The following PPM1G variants were observed in gnomAD, a reference collection of about 807,000 sequenced individuals.
PPM1G encodes protein phosphatase 1G.
Under a neutral mutation model 59.4 loss-of-function variants are expected in PPM1G, and 12 were observed. The ratio of observed to expected loss-of-function variants is 0.20; its 90% CI spans 0.13 to 0.33. The LOEUF is 0.33. Ranked by LOEUF, PPM1G falls within the 10% of genes least tolerant of loss-of-function variation. The pLI is 1.00. For synonymous variants in PPM1G, 245 were observed against 251.9 expected, an observed-to-expected ratio of 0.97 and a Z score of 0.26; for missense variants, 392 against 681.3, an observed-to-expected ratio of 0.58 and a Z score of 4.73.
At chr2:27,407,970 C>T (rs1663420052) in intron 1 of PPM1G, among the ~76,000 whole-genome samples, 1 of 151,870 alleles carries the variant, frequency 6.6e-6, no homozygotes, top group South Asian at 2.1e-4. Flanking sequence ...TTGCTCGAAC[C>T]TGGGAGGCGG....
At chr2:27,394,396 G>A (rs1683992587) in intron 1 of PPM1G, among the ~76,000 whole-genome samples, 2 of 152,210 alleles carry the variant, frequency 1.3e-5, no homozygotes, top group African/African-American at 2.4e-5. Context: ...ACCTGGCCTA[G>A]TGCCTACATA....
chr2:27,396,137 T>C (rs919841168), intron 1 of PPM1G, among the ~76,000 whole-genome samples: 1 of 152,102 alleles, frequency 6.6e-6, no homozygotes, highest in African/African-American at 2.4e-5. Context: ...CCGGGTGTTG[T>C]GGCGAGCACC....
chr2:27,386,367 C>A, intron 2 of PPM1G, 88 bp from the exon 3 acceptor site: 1 of 966,878 alleles, frequency 1.0e-6, no homozygotes, highest in Admixed American at 1.8e-5. Flanking sequence ...CTGGAGTGAA[C>A]CCCAAGGGTT....
intron 1 of PPM1G, among the ~76,000 whole-genome samples, chr2:27,391,645 C>T (rs2148421653): frequency 6.6e-6 from 1 of 152,068 alleles, no homozygotes; most frequent in African/African-American, 2.4e-5. Context: ...GTTTCTCTTG[C>T]TGCATGTCAC....
rs762046595 is a variant in PPM1G, at chr2:27,385,125, G to C, written c.410-37C>G. 2 of 1,536,334 alleles carry C rather than the reference G, an allele frequency of 1.3e-6. No homozygotes were observed. Among genetic ancestry groups the C allele is most frequent in the Non-Finnish European group, 1.7e-6 (2 of 1,146,524 alleles). ...AGGCTAAATCAGAGCCCCCATGCCA[G>C]ACTCCTCATGGGATCCGTCCCTCTC... On this transcript the variant is annotated intron_variant, in intron 4 of 9. Transcript: ENST00000344034. The surrounding 1 kb of genome is among the most constrained non-coding windows in gnomAD (Gnocchi z 4.1).
At position 27,382,426 on chromosome 2, in the gene PPM1G, A is replaced by G. The variant is rs769337336; in HGVS notation, c.1331+50T>C. ...CTAGAGGTGCCCTGAGTCCTATAAG[A>G]GAAGACATGCTGCAGAAAGGGGAAT... is the stretch of plus-strand genomic sequence containing the variant. On this transcript the variant is annotated intron_variant, in intron 8 of 9. Coordinates refer to ENST00000344034, the MANE Select transcript of PPM1G (RefSeq NM_177983.3). The surrounding 1 kb of genome is among the most constrained non-coding windows in gnomAD (Gnocchi z 4.2). 9.3e-6 allele frequency: 15 copies of G among 1,611,106 alleles called. No individual in the cohort carries two copies. The highest frequency in any genetic ancestry group is 1.3e-5 in the Non-Finnish European group (15 of 1,178,708).
chr2:27,382,189 T>G lies in PPM1G; in HGVS notation c.1371A>C (p.Gln457His). 6.2e-7 allele frequency: 1 copy of G among 1,614,232 alleles called. No individual in the cohort carries two copies. The highest frequency in any genetic ancestry group is 1.7e-5 in the Admixed American group (1 of 60,028). The change falls in exon 9 of 10, where the codon CAA (glutamine) becomes CAC (histidine). Residue 457 changes from glutamine (Q) to histidine (H), a missense_variant. Transcript: ENST00000344034. The surrounding 1 kb of genome is among the most constrained non-coding windows in gnomAD (Gnocchi z 4.2). ...TTTCATCACGCTGGCTGATCTTTGA[T>G]TGAATGAAATCTACAACTTCCTGGC... is the stretch of plus-strand genomic sequence containing the variant. ...MSSQEVVDFI[Q>H]SKISQRDENG...
intron 1 of PPM1G, 50 bp downstream of exon 1, chr2:27,409,253 G>C: frequency 2.6e-6 from 4 of 1,528,982 alleles, no homozygotes; most frequent in Non-Finnish European, 3.5e-6. Context: ...CTCTTTCTCC[G>C]TCAGATTCCC....
At chr2:27,395,224 A>T (rs1343306163) in intron 1 of PPM1G, among the ~76,000 whole-genome samples, 2 of 140,774 alleles carry the variant, frequency 1.4e-5, no homozygotes, top group Non-Finnish European at 3.0e-5. Flanking sequence ...ACAGAGTGAG[A>T]CTCTGTCTCA....
Position 27,409,538 on chromosome 2 carries a change from G to C in PPM1G, c.-116C>G, listed in dbSNP as rs902665546. On this transcript the variant is annotated 5_prime_UTR_variant, in exon 1 of 10. Transcript: ENST00000344034. ...GGCCCCGCGGCGCGACCGACGCAAG[G>C]TGCCGGTGAAAGGCGCGAGGCCGGC... The C allele has an allele frequency of 7.8e-7, 1 of 1,286,658 alleles. No homozygotes were observed. Among genetic ancestry groups the C allele is most frequent in the South Asian group, 2.0e-5 (1 of 49,050 alleles). The allele number at this position is 1,286,658 out of a possible 1,614,324, so 79.7% of individuals were successfully genotyped here.
In PPM1G at chr2:27,385,092, C is replaced by A. The variant is rs1401344786; in HGVS notation, c.410-4G>T. The A allele has an allele frequency of 1.9e-6, 3 of 1,588,638 alleles. No homozygotes were observed. The highest frequency in any genetic ancestry group is 3.5e-5 in the Admixed American group (2 of 57,734). On this transcript the variant is annotated splice_polypyrimidine_tract_variant and splice_region_variant and intron_variant, in intron 4 of 9. Transcript: ENST00000344034. The surrounding 1 kb of genome is among the most constrained non-coding windows in gnomAD (Gnocchi z 4.1). The stretch of plus-strand genomic sequence containing the variant: ...AGTGCAGCCTCCTCATTGTCCACTG[C>A]AGGGAAGAGGCTAAATCAGAGCCCC...
At chr2:27,408,313 C>CA (rs1418742305) in intron 1 of PPM1G, among the ~76,000 whole-genome samples, 1 of 152,162 alleles carries the variant, frequency 6.6e-6, no homozygotes, top group African/African-American at 2.4e-5. Context: ...CAATACCAGA[C>CA]AGAGTATTTC....
chr2:27,390,895 G>A (rs1572663264), intron 1 of PPM1G, among the ~76,000 whole-genome samples: 1 of 146,188 alleles, frequency 6.8e-6, no homozygotes, highest in Admixed American at 7.1e-5. Context: ...TGTACTTGAT[G>A]TTCAGCTCCC....
intron 1 of PPM1G, among the ~76,000 whole-genome samples, chr2:27,401,561 C>T (rs1375718722): frequency 1.3e-5 from 2 of 152,204 alleles, no homozygotes; most frequent in African/African-American, 2.4e-5. Context: ...CACGGTGGCT[C>T]ATGCCTGTAA....
intron 2 of PPM1G, 126 bp downstream of exon 2, chr2:27,386,963 C>T: frequency 1.5e-6 from 1 of 688,024 alleles, no homozygotes; most frequent in Non-Finnish European, 2.6e-6. Flanking sequence ...AGAAAAACAG[C>T]ACCACGCAGG....
At chr2:27,387,750 C>T (rs1187829674) in intron 1 of PPM1G, among the ~76,000 whole-genome samples, 2 of 152,246 alleles carry the variant, frequency 1.3e-5, no homozygotes, top group Non-Finnish European at 2.9e-5. Flanking sequence ...CTGCCTGCCT[C>T]GGCCTCCCAA....
chr2:27,392,286 G>GTTTTT (rs70953857), intron 1 of PPM1G, among the ~76,000 whole-genome samples: 801 of 70,038 alleles, frequency 0.011, 7 homozygotes, highest in East Asian at 0.022. Context: ...GGTTTGTTTT[G>GTTTTT]TTTTTTTTTT....
chr2:27,407,993 G>A (rs1386790050), intron 1 of PPM1G, among the ~76,000 whole-genome samples: 2 of 151,870 alleles, frequency 1.3e-5, no homozygotes, highest in South Asian at 4.1e-4. Context: ...GTTGCGGTGA[G>A]CCGAGATCGC....
Position 27,385,038 on chromosome 2 carries a change from C to T in PPM1G, c.460G>A (p.Glu154Lys). ...TGCCCGTAGCGTGTCAGCAGCTCTT[C>T]AATAGTCATGGTAGCCTCTTCATGC... is the stretch of plus-strand genomic sequence containing the variant. The part of the protein sequence containing the change: ...LLHEEATMTI[E>K]ELLTRYGQNC... The change falls in exon 5 of 10, where the codon GAA (glutamate) becomes AAA (lysine). Residue 154 changes from glutamate to lysine, a missense_variant. Coordinates refer to ENST00000344034, the MANE Select transcript of PPM1G (RefSeq NM_177983.3). This position sits in a 1 kb window ranked among gnomAD's most constrained non-coding sequence, Gnocchi z 4.1. 1 of 1,613,504 alleles carries T rather than the reference C, an allele frequency of 6.2e-7. No individual in the cohort carries two copies. The highest frequency in any genetic ancestry group is 8.5e-7 in the Non-Finnish European group (1 of 1,179,928).
Sources: allele counts gnomAD v4.1 joint callset (sites outside exome capture counted in the v4.1 genomes callset), GRCh38; gene constraint gnomAD v4.1.1; non-coding constraint Gnocchi (gnomAD v3.1); transcripts MANE v1.5; gene names NCBI Gene and HGNC (gene_info 2026-07-23, HGNC 2026-07-21).